The following CAP2 variants were observed in gnomAD, a reference collection of about 807,000 sequenced individuals.
CAP2 encodes adenylyl cyclase-associated protein 2.
Under a neutral mutation model 57.7 loss-of-function variants are expected in CAP2, and 24 were observed. The observed-to-expected ratio is 0.42, with a 90% confidence interval of 0.30 to 0.58. The LOEUF (loss-of-function observed/expected upper bound fraction) is 0.58, where lower values mean the gene tolerates loss of function less well. Ranked by LOEUF, CAP2 falls within the 20% of genes least tolerant of loss-of-function variation. CAP2 has a pLI of 0.22. For synonymous variants in CAP2, 194 were observed against 207.2 expected (o/e 0.94, Z 0.55); for missense variants, 501 against 590.3 (o/e 0.85, Z 1.57).
chr6:17,415,392 G>A (rs1477388630), intron 1 of CAP2, among the ~76,000 whole-genome samples: 1 of 152,202 alleles, frequency 6.6e-6, no homozygotes, highest in Non-Finnish European at 1.5e-5. Context: ...TTACATTAGA[G>A]GGAGCAAGTG....
intron 1 of CAP2, among the ~76,000 whole-genome samples, chr6:17,419,059 A>G (rs896034647): frequency 1.3e-4 from 20 of 152,202 alleles, no homozygotes; most frequent in Admixed American, 3.9e-4. Flanking sequence ...ACTTTCCAAA[A>G]TAGACAGTAA....
intron 7 of CAP2, among the ~76,000 whole-genome samples, chr6:17,522,840 G>A (rs778982468): frequency 6.6e-6 from 1 of 152,166 alleles, no homozygotes; most frequent in Non-Finnish European, 1.5e-5. Context: ...CTGTCGCCAG[G>A]CTGGAGTGCA....
At chr6:17,542,180 T>A (rs1033330080) in intron 9 of CAP2, among the ~76,000 whole-genome samples, 5 of 152,218 alleles carry the variant, frequency 3.3e-5, no homozygotes, top group Non-Finnish European at 5.9e-5. Flanking sequence ...AAGCTTTTAA[T>A]CAGGCAGCAA....
intron 4 of CAP2, among the ~76,000 whole-genome samples, chr6:17,496,235 G>T (rs966217951): frequency 1.3e-5 from 2 of 152,182 alleles, no homozygotes; most frequent in Admixed American, 1.3e-4. Context: ...CAGAATACCA[G>T]TTCCTTAGAA....
chr6:17,418,078 C>G (rs1037410485), intron 1 of CAP2, among the ~76,000 whole-genome samples: 1 of 152,136 alleles, frequency 6.6e-6, no homozygotes, highest in African/African-American at 2.4e-5. Context: ...GGAGAATCTG[C>G]AGCTCTGCTC....
rs1201941636 is a variant in CAP2 at position 17,480,979 on chromosome 6, A to C, written c.300+17906A>C. Among the ~76,000 whole-genome samples the C allele has an allele frequency of 5.6e-5, 4 of 72,014 alleles. 1 individual carries two copies. The East Asian group carries it at 1.8e-3, about 32-fold the overall frequency. 47.2% of individuals were successfully genotyped at this position (72,014 alleles called of 152,430 possible). The stretch of plus-strand genomic sequence containing the variant: ...TTTTTTTTTTTTTTTTTTTTTTTTT[A>C]GTAGAGACAGGGTTTCACCGTGTTG... On this transcript the variant is annotated intron_variant, in intron 4 of 12. Transcript: ENST00000229922.
At chr6:17,437,972 A>T (rs1186469615) in intron 3 of CAP2, among the ~76,000 whole-genome samples, 1 of 152,154 alleles carries the variant, frequency 6.6e-6, no homozygotes, top group Non-Finnish European at 1.5e-5. Flanking sequence ...TTGGTTTATT[A>T]TTGATTTGTA....
At chr6:17,407,849 A>C (rs1759024695) in intron 1 of CAP2, among the ~76,000 whole-genome samples, 1 of 151,954 alleles carries the variant, frequency 6.6e-6, no homozygotes, top group Non-Finnish European at 1.5e-5. Context: ...AGACACATGA[A>C]GAAGCAAAAG....
chr6:17,462,960 A>G (rs375360108), intron 3 of CAP2, 36 bp from the exon 4 acceptor site: 12 of 1,558,044 alleles, frequency 7.7e-6, no homozygotes, highest in Non-Finnish European at 1.1e-5. Context: ...TTTAGGAGTC[A>G]AACATTGAAA....
intron 7 of CAP2, among the ~76,000 whole-genome samples, chr6:17,523,620 T>C (rs1762438401): frequency 6.6e-6 from 1 of 152,094 alleles, no homozygotes; most frequent in Non-Finnish European, 1.5e-5. Context: ...ATAGGAGAAC[T>C]AGAAGAATGG....
rs1051374930 is a variant in CAP2 at position 17,421,592 on chromosome 6, C to T, written c.37C>T (p.Arg13Ter). Residue 13 changes from arginine (R) to a stop codon, truncating the protein, a stop_gained, in exon 2 of 13, where the codon CGA (arginine) becomes TGA (stop). Coordinates refer to ENST00000229922, the MANE Select transcript of CAP2 (RefSeq NM_006366.3). LOFTEE classifies it high-confidence loss of function. ...NMQGLVERLERAVSRLESLSA... is the reference protein window; with the variant it reads ...NMQGLVERLE ...GCAGGGACTGGTGGAAAGACTGGAACGAGCTGTCAGCCGCCTGGAGTCGCT... is the reference window on the plus strand; with the variant it reads ...GCAGGGACTGGTGGAAAGACTGGAATGAGCTGTCAGCCGCCTGGAGTCGCT... The T allele has an allele frequency of 5.6e-6, 9 of 1,613,996 alleles. No homozygotes were observed. Among genetic ancestry groups the T allele is most frequent in the Non-Finnish European group, 7.6e-6 (9 of 1,179,968 alleles).
At position 17,421,586 on chromosome 6, in the gene CAP2, C is replaced by T. The variant is rs1237297264; in HGVS notation, c.31C>T (p.Leu11=). 1 of 1,614,162 alleles carries T rather than the reference C, an allele frequency of 6.2e-7. No individual in the cohort carries two copies. The highest frequency in any genetic ancestry group is 8.5e-7 in the Non-Finnish European group (1 of 1,180,006). Residue 11 remains leucine (L), a synonymous_variant, in exon 2 of 13, where the codon CTG becomes TTG. Coordinates refer to ENST00000229922, the MANE Select transcript of CAP2 (RefSeq NM_006366.3). ...CAACATGCAGGGACTGGTGGAAAGA[C>T]TGGAACGAGCTGTCAGCCGCCTGGA... MANMQGLVER[L]ERAVSRLESL...
chr6:17,505,374 A>G (rs953598479), intron 4 of CAP2, among the ~76,000 whole-genome samples: 4 of 152,246 alleles, frequency 2.6e-5, no homozygotes, highest in Non-Finnish European at 5.9e-5. Flanking sequence ...TCCGTGGCAG[A>G]AATGACTGCC....
At chr6:17,397,038 G>A (rs2113493029) in intron 1 of CAP2, among the ~76,000 whole-genome samples, 1 of 151,902 alleles carries the variant, frequency 6.6e-6, no homozygotes, top group African/African-American at 2.4e-5. Flanking sequence ...TGTTTTTTTG[G>A]TTTATGAAAA....
intron 3 of CAP2, among the ~76,000 whole-genome samples, chr6:17,446,767 C>T (rs916305889): frequency 6.6e-6 from 1 of 152,248 alleles, no homozygotes; most frequent in Non-Finnish European, 1.5e-5. Flanking sequence ...AATCAAGATA[C>T]TGCCTGAAAG....
intron 4 of CAP2, among the ~76,000 whole-genome samples, chr6:17,502,713 A>G (rs1462977494): frequency 6.6e-6 from 1 of 152,190 alleles, no homozygotes; most frequent in Non-Finnish European, 1.5e-5. Flanking sequence ...AATGTTATAA[A>G]TATACAGTTT....
At chr6:17,527,822 C>T (rs1250467940) in intron 7 of CAP2, among the ~76,000 whole-genome samples, 3 of 152,076 alleles carry the variant, frequency 2.0e-5, no homozygotes, top group Admixed American at 6.6e-5. Flanking sequence ...AGGCTGGTCT[C>T]GAACTCCTGA....
chr6:17,400,877 A>T (rs1462279340), intron 1 of CAP2, among the ~76,000 whole-genome samples: 4 of 152,150 alleles, frequency 2.6e-5, no homozygotes, highest in African/African-American at 7.2e-5. Flanking sequence ...AAAAAAAAAA[A>T]AAAGAATCAC....
At chr6:17,508,823 T>C (rs964033023) in intron 6 of CAP2, among the ~76,000 whole-genome samples, 9 of 151,282 alleles carry the variant, frequency 5.9e-5, no homozygotes, top group Non-Finnish European at 1.2e-4. Flanking sequence ...GATCTTGGCA[T>C]CTTGGCTCAC....
Sources: gnomAD v4.1 joint callset for allele counts (sites outside exome capture counted in the v4.1 genomes callset) on GRCh38, gnomAD v4.1.1 for gene constraint, MANE v1.5 for transcripts, NCBI Gene and HGNC (gene_info 2026-07-23, HGNC 2026-07-21) for gene names.